SERAC1: variants seen among roughly 807,000 people sequenced by gnomAD.
SERAC1 encodes serine active site containing 1.
Under a neutral mutation model 85.7 loss-of-function variants are expected in SERAC1, and 36 were observed. The ratio of observed to expected loss-of-function variants is 0.42; its 90% CI spans 0.32 to 0.55. The LOEUF is 0.55. Ranked by LOEUF, SERAC1 falls within the 20% of genes least tolerant of loss-of-function variation. SERAC1 has a pLI of 0.11. For missense variants in SERAC1, 629 were observed against 796.2 expected (o/e 0.79, Z 2.53); for synonymous variants, 242 against 265.3 (o/e 0.91, Z 0.85).
intron 1 of SERAC1, 52 bp from the exon 2 acceptor site, chr6:158,158,416 C>T: frequency 7.3e-7 from 1 of 1,377,276 alleles, no homozygotes; most frequent in Non-Finnish European, 1.0e-6. Context: ...TAAATCAAAA[C>T]ACTTGTTTTA....
chr6:158,111,311 G>GAACA lies in SERAC1; in HGVS notation c.*51_*54dup. On this transcript the variant is annotated 3_prime_UTR_variant, in exon 17 of 17. Transcript: ENST00000647468. ...TGCATAGAGCTTAAAAGAAGAAACAGAACACCAAGTTTCTTGCACTGAATT... is the reference window on the plus strand; with the variant it reads ...TGCATAGAGCTTAAAAGAAGAAACAGAACAAACACCAAGTTTCTTGCACTGAATT... 1 of 1,485,278 alleles carries GAACA rather than the reference G, an allele frequency of 6.7e-7. No homozygotes were observed. Among genetic ancestry groups the GAACA allele is most frequent in the Non-Finnish European group, 9.0e-7 (1 of 1,108,004 alleles). 92.0% of individuals were successfully genotyped at this position (1,485,278 alleles called of 1,614,324 possible).
chr6:158,153,709 A>C (rs1033539389), intron 3 of SERAC1, among the ~76,000 whole-genome samples: 1 of 152,150 alleles, frequency 6.6e-6, no homozygotes, highest in African/African-American at 2.4e-5. Flanking sequence ...TCCTGACACA[A>C]AGATTGCACT....
chr6:158,158,171 T>G, intron 2 of SERAC1, 102 bp downstream of exon 2: 1 of 781,270 alleles, frequency 1.3e-6, no homozygotes, highest in East Asian at 2.5e-5. Flanking sequence ...AAATTTGAGA[T>G]TTAATCATGG....
chr6:158,136,720 G>A (rs1416508375), intron 8 of SERAC1, among the ~76,000 whole-genome samples: 1 of 152,180 alleles, frequency 6.6e-6, no homozygotes, highest in Non-Finnish European at 1.5e-5. Context: ...GGACCACTAT[G>A]AGGCAGGTCT....
intron 1 of SERAC1, among the ~76,000 whole-genome samples, chr6:158,167,657 CT>C (rs141381787): frequency 0.035 from 5,357 of 152,026 alleles, 300 homozygotes; most frequent in African/African-American, 0.12. Context: ...TTCCTTTAGA[CT>C]TACAGAACAG....
In SERAC1 at chr6:158,158,374, T is replaced by TTCTACTTACAC; in HGVS notation, c.-1-11_-1-10insGTGTAAGTAGA. ...AGCAGCCAGGGACATTCTGTGTAAG[T>TTCTACTTACAC]AGAACAATTACAACAAATTTAATTT... On this transcript the variant is annotated splice_polypyrimidine_tract_variant and intron_variant, in intron 1 of 16. Coordinates refer to ENST00000647468, the MANE Select transcript of SERAC1 (RefSeq NM_032861.4). 1.3e-6 allele frequency: 2 copies of TTCTACTTACAC among 1,592,308 alleles called. No homozygotes were observed. Among genetic ancestry groups the TTCTACTTACAC allele is most frequent in the South Asian group, 1.1e-5 (1 of 89,942 alleles).
intron 1 of SERAC1, among the ~76,000 whole-genome samples, chr6:158,159,538 C>T (rs957497792): frequency 4.6e-5 from 7 of 150,590 alleles, no homozygotes; most frequent in African/African-American, 9.7e-5. Context: ...AATTATCCCT[C>T]TAAAATTCCA....
intron 10 of SERAC1, among the ~76,000 whole-genome samples, chr6:158,123,704 T>C (rs777653508): frequency 6.6e-6 from 1 of 152,196 alleles, no homozygotes; most frequent in Non-Finnish European, 1.5e-5. Context: ...ATCAAGGTCT[T>C]GACCAAGAGA....
At chr6:158,147,138 G>A (rs1053712109) in intron 5 of SERAC1, among the ~76,000 whole-genome samples, 39 of 151,640 alleles carry the variant, frequency 2.6e-4, no homozygotes, top group African/African-American at 9.5e-4. Context: ...GGGGGCAGGG[G>A]TCAGTTTTGT....
chr6:158,114,547 ATT>A, intron 15 of SERAC1: 2 of 1,200,520 alleles, frequency 1.7e-6, no homozygotes, highest in Non-Finnish European at 2.1e-6. Context: ...TATTTTTCTA[ATT>A]TTAAGTATTT....
intron 15 of SERAC1, chr6:158,114,505 G>A: frequency 8.5e-7 from 1 of 1,177,070 alleles, no homozygotes; most frequent in Non-Finnish European, 1.1e-6. Flanking sequence ...TGGTAATTTG[G>A]AATAATACTT....
intron 2 of SERAC1, among the ~76,000 whole-genome samples, chr6:158,155,866 C>T (rs530259699): frequency 3.5e-4 from 54 of 152,254 alleles, no homozygotes; most frequent in African/African-American, 1.1e-3. Flanking sequence ...GAGATTAGGC[C>T]GGGTGCGGTG....
At chr6:158,144,588 AC>A (rs1785008398) in intron 6 of SERAC1, among the ~76,000 whole-genome samples, 168 bp from the exon 7 acceptor site, 1 of 152,254 alleles carries the variant, frequency 6.6e-6, no homozygotes, top group Non-Finnish European at 1.5e-5. Flanking sequence ...TAAGCTAGAT[AC>A]GTTTCCAGGA....
At position 158,114,637 on chromosome 6, in the gene SERAC1, C is replaced by T. The variant is rs1245459134; in HGVS notation, c.1684+152G>A. 3.4e-6 allele frequency: 4 copies of T among 1,183,528 alleles called. No homozygotes were observed. In the African/African-American group the frequency reaches 7.1e-5, roughly 21 times the overall value. The allele number at this position is 1,183,528 out of a possible 1,614,324, so 73.3% of individuals were successfully genotyped here. A position where few individuals can be genotyped will look rare whatever the true frequency, so the allele number is the denominator to read the frequency against. On this transcript the variant is annotated intron_variant, in intron 15 of 16. Transcript: ENST00000647468. ...AAATGAGAAATTATCAAAGAAAAAT[C>T]AAGCCCAACCCAAAATTTCCATGAA...
At chr6:158,140,934 T>C (rs937004118) in intron 8 of SERAC1, among the ~76,000 whole-genome samples, 1 of 152,226 alleles carries the variant, frequency 6.6e-6, no homozygotes, top group African/African-American at 2.4e-5. Context: ...ACAGTTTTTT[T>C]TTCCAATGAG....
intron 6 of SERAC1, chr6:158,145,911 A>G (rs1409824358): frequency 6.6e-6 from 1 of 152,214 alleles, no homozygotes; most frequent in East Asian, 1.9e-4. Context: ...TAACCAGAGA[A>G]GATATGAGTT....
At position 158,142,898 on chromosome 6, in the gene SERAC1, C is replaced by T. The variant is rs375775589; in HGVS notation, c.738+158G>A. ...TACACACTCTGTGACTGTTCATTTA[C>T]CTGCCTCCCTGTCATCCCTGACATC... On this transcript the variant is annotated intron_variant, in intron 8 of 16. Transcript: ENST00000647468. Among the ~76,000 whole-genome samples, 6 of 152,298 alleles carry T rather than the reference C, an allele frequency of 3.9e-5. No homozygotes were observed. In the East Asian group the frequency reaches 9.6e-4, roughly 24 times the overall value.
intron 8 of SERAC1, among the ~76,000 whole-genome samples, chr6:158,140,621 T>G (rs897088026): frequency 6.6e-6 from 1 of 152,100 alleles, no homozygotes. Context: ...AAACCCAAGG[T>G]GGGGGTCATG....
At chr6:158,124,796 C>G (rs542111003) in intron 10 of SERAC1, among the ~76,000 whole-genome samples, 4 of 144,268 alleles carry the variant, frequency 2.8e-5, no homozygotes, top group Non-Finnish European at 6.1e-5. Context: ...CACATACACA[C>G]TCAACAAAGA....
Sources: allele counts gnomAD v4.1 joint callset (sites outside exome capture counted in the v4.1 genomes callset), GRCh38; gene constraint gnomAD v4.1.1; transcripts MANE v1.5; gene names NCBI Gene and HGNC (gene_info 2026-07-23, HGNC 2026-07-21).